CDC73: variants seen among roughly 807,000 people sequenced by gnomAD.
The protein encoded by CDC73 is cell division cycle 73.
In CDC73, 21 loss-of-function variants were observed where a neutral mutation model predicts 83.7. The ratio of observed to expected loss-of-function variants is 0.25; its 90% CI spans 0.18 to 0.36. The LOEUF (loss-of-function observed/expected upper bound fraction) is 0.36, where lower values mean the gene tolerates loss of function less well. CDC73 is among the 10% of genes least tolerant of loss of function. The pLI, the probability that CDC73 is intolerant of heterozygous loss-of-function variation, is 1.00. For missense variants in CDC73, 342 were observed against 653.3 expected, an observed-to-expected ratio of 0.52 and a Z score of 5.19; for synonymous variants, 224 against 212.9, an observed-to-expected ratio of 1.05 and a Z score of -0.45.
At chr1:193,201,161 G>T (rs568555069) in intron 10 of CDC73, among the ~76,000 whole-genome samples, 4 of 152,236 alleles carry the variant, frequency 2.6e-5, no homozygotes, top group South Asian at 2.1e-4. Context: ...GAAATTTTCA[G>T]TAAGCCTTGA....
At chr1:193,157,431 G>GA (rs1406663431) in intron 10 of CDC73, among the ~76,000 whole-genome samples, 1 of 152,006 alleles carries the variant, frequency 6.6e-6, no homozygotes, top group Non-Finnish European at 1.5e-5. Context: ...GTTTTATTAG[G>GA]CATCCATTAT....
chr1:193,248,312 A>G (rs2102071956), intron 15 of CDC73, among the ~76,000 whole-genome samples: 1 of 152,260 alleles, frequency 6.6e-6, no homozygotes, highest in African/African-American at 2.4e-5. Flanking sequence ...GTTGAGACCT[A>G]CTGCTCAGAA....
intron 13 of CDC73, among the ~76,000 whole-genome samples, chr1:193,225,245 GATATATATATAT>G (rs56261261): frequency 2.1e-5 from 3 of 143,562 alleles, no homozygotes; most frequent in Non-Finnish European, 4.6e-5. Flanking sequence ...AGTATTCCAT[GATATATATATAT>G]ATATATATAT....
chr1:193,220,483 T>TA (rs1677450451), intron 13 of CDC73, among the ~76,000 whole-genome samples: 1 of 152,154 alleles, frequency 6.6e-6, no homozygotes. Flanking sequence ...CCTTCACATC[T>TA]AAAAAAACCA....
At position 193,203,785 on chromosome 1, in the gene CDC73, T is replaced by G; in HGVS notation, c.973-10T>G. The stretch of plus-strand genomic sequence containing the variant: ...TTTGATCTTATATATCAATTCTTAT[T>G]CTTTTAAAGGAGGGTGCATCTGCCC... On this transcript the variant is annotated splice_polypyrimidine_tract_variant and intron_variant, in intron 10 of 16. Transcript: ENST00000367435. 6.2e-7 allele frequency: 1 copy of G among 1,606,136 alleles called. No individual in the cohort carries two copies. The highest frequency in any genetic ancestry group is 8.5e-7 in the Non-Finnish European group (1 of 1,172,820).
Position 193,122,043 on chromosome 1 carries a change from G to C in CDC73, c.-158G>C. ...GGCGGCCTGGGTGGCTACTGCCCCT[G>C]CTGCTGTCGTAGGCGAGGACGGCTG... On this transcript the variant is annotated 5_prime_UTR_variant, in exon 1 of 17. Transcript: ENST00000367435. The C allele has an allele frequency of 1.5e-6, 1 of 687,990 alleles. No homozygotes were observed. The highest frequency in any genetic ancestry group is 2.5e-6 in the Non-Finnish European group (1 of 394,770). 42.6% of individuals were successfully genotyped at this position (687,990 alleles called of 1,614,324 possible).
At chr1:193,168,704 A>G (rs2103147984) in intron 10 of CDC73, among the ~76,000 whole-genome samples, 1 of 152,152 alleles carries the variant, frequency 6.6e-6, no homozygotes. Context: ...TTGTATTTTT[A>G]GTAGAGACGG....
chr1:193,202,275 A>G (rs1677104893), intron 10 of CDC73, among the ~76,000 whole-genome samples: 1 of 152,216 alleles, frequency 6.6e-6, no homozygotes, highest in South Asian at 2.1e-4. Context: ...TGCTCCAGGT[A>G]CTGGAATTAC....
At chr1:193,142,733 C>G (rs1298343822) in intron 7 of CDC73, among the ~76,000 whole-genome samples, 1 of 151,812 alleles carries the variant, frequency 6.6e-6, no homozygotes, top group African/African-American at 2.4e-5. Context: ...TGTACACGTA[C>G]CTTTGTGTGT....
Position 193,130,223 on chromosome 1 carries a change from G to T in CDC73, c.287G>T (p.Gly96Val), listed in dbSNP as rs2103117929. 1 of 1,603,494 alleles carries T rather than the reference G, an allele frequency of 6.2e-7. No homozygotes were observed. Among genetic ancestry groups the T allele is most frequent in the Non-Finnish European group, 8.5e-7 (1 of 1,170,742 alleles). The stretch of plus-strand genomic sequence containing the variant: ...AGACCTGATCGAAAAGATCTACTTG[G>T]ATATCTCAATGGTGAAGCGTGTGAG... ...VRRPDRKDLL[G>V]YLNGEASTSA... The change falls in exon 3 of 17, where the codon GGA becomes GTA. Residue 96 changes from glycine to valine, a missense_variant. Gly to Val is a moderately radical substitution (Grantham distance 109). Coordinates refer to ENST00000367435, the MANE Select transcript of CDC73 (RefSeq NM_024529.5).
intron 10 of CDC73, among the ~76,000 whole-genome samples, chr1:193,172,594 C>A (rs1315213119): frequency 6.6e-6 from 1 of 152,064 alleles, no homozygotes; most frequent in Admixed American, 6.5e-5. Context: ...ATTTTTTTGA[C>A]AACCCGGGAA....
intron 10 of CDC73, among the ~76,000 whole-genome samples, chr1:193,188,562 A>G (rs1572186299): frequency 6.6e-6 from 1 of 152,184 alleles, no homozygotes; most frequent in Non-Finnish European, 1.5e-5. Flanking sequence ...CTGTGTACCA[A>G]CATGTGCATT....
intron 10 of CDC73, among the ~76,000 whole-genome samples, chr1:193,190,506 A>G (rs916603202): frequency 6.6e-6 from 1 of 152,250 alleles, no homozygotes; most frequent in African/African-American, 2.4e-5. Context: ...CTCACAAAGC[A>G]AGAATTAGCC....
chr1:193,158,806 C>T (rs1676253191), intron 10 of CDC73, among the ~76,000 whole-genome samples: 1 of 152,000 alleles, frequency 6.6e-6, no homozygotes, highest in African/African-American at 2.4e-5. Flanking sequence ...AAACTGTTTA[C>T]AAAATGTAAA....
chr1:193,236,382 A>G, intron 15 of CDC73, 26 bp downstream of exon 15: 1 of 1,336,050 alleles, frequency 7.5e-7, no homozygotes, highest in Non-Finnish European at 1.1e-6. Flanking sequence ...TATTTACTGT[A>G]TCCAGTATAG....
Position 193,152,461 on chromosome 1 carries a change from G to C in CDC73, c.972+17G>C. 1 of 1,554,010 alleles carries C rather than the reference G, an allele frequency of 6.4e-7. No individual in the cohort carries two copies. ...TCTGTAACGGTAAGTTAATTTGGCT[G>C]TAGATGTTCTTTTGTTCCAGGGATT... On this transcript the variant is annotated intron_variant, in intron 10 of 16. Transcript: ENST00000367435.
intron 10 of CDC73, among the ~76,000 whole-genome samples, chr1:193,200,863 C>T (rs1473205278): frequency 3.9e-5 from 6 of 151,900 alleles, no homozygotes; most frequent in African/African-American, 1.2e-4. Flanking sequence ...TTCTGCATTC[C>T]GTTATGCAGT....
At chr1:193,240,693 T>G (rs182888072) in intron 15 of CDC73, among the ~76,000 whole-genome samples, 1 of 152,346 alleles carries the variant, frequency 6.6e-6, no homozygotes, top group African/African-American at 2.4e-5. Context: ...TTTGCCCACT[T>G]TTTAATGGGA....
chr1:193,150,945 T>C (rs1676094216), intron 9 of CDC73, among the ~76,000 whole-genome samples: 1 of 152,240 alleles, frequency 6.6e-6, no homozygotes, highest in Non-Finnish European at 1.5e-5. Context: ...TTATATAATT[T>C]AAAGTAGAGA....
Sources: allele counts gnomAD v4.1 joint callset (sites outside exome capture counted in the v4.1 genomes callset), GRCh38; gene constraint gnomAD v4.1.1; transcripts MANE v1.5; gene names NCBI Gene and HGNC (gene_info 2026-07-23, HGNC 2026-07-21).